Variants in CEP112 observed in about 807,000 individuals in gnomAD.
The protein encoded by CEP112 is centrosomal protein of 112 kDa.
CEP112 carries 127 observed loss-of-function variants against 153.0 expected under a neutral mutation model. The observed-to-expected ratio is 0.83, with a 90% CI of 0.72 to 0.96. The LOEUF (loss-of-function observed/expected upper bound fraction) is 0.96, where lower values mean the gene tolerates loss of function less well. Ranked by LOEUF, CEP112 falls within the 40% of genes least tolerant of loss-of-function variation. The pLI is 0.00. For synonymous variants in CEP112, 358 were observed against 374.4 expected (o/e 0.96, Z 0.51); for missense variants, 1,089 against 1,101.2 (o/e 0.99, Z 0.16).
chr17:65,818,195 C>T (rs2056367983), intron 21 of CEP112, among the ~76,000 whole-genome samples: 1 of 151,826 alleles, frequency 6.6e-6, no homozygotes, highest in African/African-American at 2.4e-5. Flanking sequence ...GAAGTAATTA[C>T]ACATTTTTCT....
intron 19 of CEP112, among the ~76,000 whole-genome samples, chr17:65,918,073 G>T: frequency 6.6e-6 from 1 of 151,696 alleles, no homozygotes; most frequent in East Asian, 1.9e-4. Context: ...CCAGCTACTT[G>T]GGAGGCTGAG....
chr17:66,105,107 TAAGA>T (rs1306209475), intron 6 of CEP112, among the ~76,000 whole-genome samples: 3 of 152,124 alleles, frequency 2.0e-5, no homozygotes, highest in Admixed American at 6.6e-5. Flanking sequence ...CATAGTGTAA[TAAGA>T]TAGAAACAAC....
intron 23 of CEP112, among the ~76,000 whole-genome samples, chr17:65,701,870 C>T (rs1261972306): frequency 6.6e-6 from 1 of 151,518 alleles, no homozygotes; most frequent in Non-Finnish European, 1.5e-5. Context: ...GTTAGTTGCC[C>T]ACATTCCTTC....
intron 24 of CEP112, chr17:65,644,411 A>G: frequency 1.9e-6 from 1 of 527,920 alleles, no homozygotes; most frequent in South Asian, 1.7e-5. Flanking sequence ...ATGAACTCGG[A>G]CCTCAAGGCT....
In CEP112 at chr17:65,991,372, G is replaced by A. The variant is rs1293990038; in HGVS notation, c.1736+14318C>T. On this transcript the variant is annotated intron_variant, in intron 17 of 26. Transcript: ENST00000535342. Reference sequence around the variant, plus strand: ...CATATATGAAAATCTGACATATTTTGGTTGAATGATACGTTATAAATTGCA... The same window carrying A: ...CATATATGAAAATCTGACATATTTTAGTTGAATGATACGTTATAAATTGCA... Among the ~76,000 whole-genome samples, 2 of 151,942 alleles carry A rather than the reference G, an allele frequency of 1.3e-5. 1 individual carries two copies. Among genetic ancestry groups the A allele is most frequent in the Non-Finnish European group, 2.9e-5 (2 of 67,966 alleles).
In CEP112 at chr17:65,689,255, AG is replaced by A. The variant is rs764401289; in HGVS notation, c.2608-38del. 8 of 1,455,514 alleles carry A rather than the reference AG, an allele frequency of 5.5e-6. No homozygotes were observed. In the South Asian group the frequency reaches 9.1e-5, roughly 17 times the overall value. The allele number at this position is 1,455,514 out of a possible 1,614,324, so 90.2% of individuals were successfully genotyped here. ...TAAAATAAAGATATCATTAATAATT[AG>A]CACACTTGGAAAAATAGTTCTACAC... On this transcript the variant is annotated intron_variant, in intron 23 of 26. Coordinates refer to ENST00000535342, the MANE Select transcript of CEP112 (RefSeq NM_001199165.4).
intron 17 of CEP112, among the ~76,000 whole-genome samples, chr17:65,986,948 A>C (rs1327002099): frequency 6.6e-6 from 1 of 152,204 alleles, no homozygotes; most frequent in Non-Finnish European, 1.5e-5. Flanking sequence ...AGAGCTCAAC[A>C]AGTGTTTGTT....
intron 23 of CEP112, among the ~76,000 whole-genome samples, chr17:65,710,261 T>C (rs1447968786): frequency 6.6e-6 from 1 of 152,250 alleles, no homozygotes; most frequent in Non-Finnish European, 1.5e-5. Flanking sequence ...TGTCTTTAGC[T>C]GCTATGAAGC....
At chr17:65,927,820 T>C in intron 18 of CEP112, 131 bp from the exon 19 acceptor site, 1 of 454,142 alleles carries the variant, frequency 2.2e-6, no homozygotes, top group South Asian at 5.3e-5. Context: ...TTTAAATGTA[T>C]TAAAATAATG....
At chr17:65,803,580 G>A (rs1449598913) in intron 21 of CEP112, among the ~76,000 whole-genome samples, 1 of 152,156 alleles carries the variant, frequency 6.6e-6, no homozygotes. Flanking sequence ...TACCTTAGGT[G>A]TTACATTATT....
chr17:65,887,964 C>A (rs1314338985), intron 20 of CEP112, among the ~76,000 whole-genome samples: 1 of 152,034 alleles, frequency 6.6e-6, no homozygotes, highest in Non-Finnish European at 1.5e-5. Flanking sequence ...GTCTTTCTAC[C>A]CCCTTGTTTG....
chr17:65,830,521 G>A (rs1232428131), intron 21 of CEP112, among the ~76,000 whole-genome samples: 5 of 152,172 alleles, frequency 3.3e-5, no homozygotes, highest in Non-Finnish European at 7.3e-5. Context: ...GGGGTGAACT[G>A]GGGACAAACA....
chr17:65,876,580 C>T (rs1329051875), intron 20 of CEP112, among the ~76,000 whole-genome samples: 4 of 152,088 alleles, frequency 2.6e-5, no homozygotes, highest in African/African-American at 7.2e-5. Flanking sequence ...ACTTATTAAC[C>T]TTTTCAACCT....
At chr17:65,897,818 G>A (rs1445383974) in intron 20 of CEP112, among the ~76,000 whole-genome samples, 1 of 151,860 alleles carries the variant, frequency 6.6e-6, no homozygotes, top group Non-Finnish European at 1.5e-5. Flanking sequence ...TATTTCCAAT[G>A]TTTTAACATA....
intron 24 of CEP112, among the ~76,000 whole-genome samples, chr17:65,642,759 T>C (rs527384421): frequency 6.6e-6 from 1 of 152,322 alleles, no homozygotes; most frequent in Non-Finnish European, 1.5e-5. Flanking sequence ...GCAAAACGCA[T>C]GCTTTATAAA....
At chr17:66,152,982 T>C (rs184691932) in intron 4 of CEP112, among the ~76,000 whole-genome samples, 3 of 152,226 alleles carry the variant, frequency 2.0e-5, no homozygotes, top group East Asian at 3.9e-4. Flanking sequence ...CACAATGAGA[T>C]ACCACTGCAT....
chr17:65,821,111 C>A (rs2056509475), intron 21 of CEP112, among the ~76,000 whole-genome samples: 1 of 12,356 alleles, frequency 8.1e-5, no homozygotes, highest in African/African-American at 2.8e-4. Flanking sequence ...GTAATACATT[C>A]TGAAAAAAAA....
intron 21 of CEP112, among the ~76,000 whole-genome samples, chr17:65,756,202 G>A (rs753008324): frequency 1.3e-5 from 2 of 151,960 alleles, no homozygotes; most frequent in Non-Finnish European, 2.9e-5. Flanking sequence ...TCAGGAGTTC[G>A]AGACCAGCCT....
rs866300844 is a variant in CEP112 at position 66,164,920 on chromosome 17, G to A, written c.470+10124C>T. 1.7e-3 allele frequency among the ~76,000 whole-genome samples: 215 copies of A among 130,008 alleles called. 1 individual carries two copies. Among genetic ancestry groups the A allele is most frequent in the African/African-American group, 5.5e-3 (177 of 31,936 alleles). The allele number at this position is 130,008 out of a possible 152,430, so 85.3% of individuals were successfully genotyped here. ...TGTGTGTGTGTGTGTGTGTGTGTGT[G>A]TATATTTATTTATAAACAGTTTCTT... On this transcript the variant is annotated intron_variant, in intron 4 of 26. Coordinates refer to ENST00000535342, the MANE Select transcript of CEP112 (RefSeq NM_001199165.4).
Sources: allele counts gnomAD v4.1 joint callset (sites outside exome capture counted in the v4.1 genomes callset), GRCh38; gene constraint gnomAD v4.1.1; transcripts MANE v1.5; gene names NCBI Gene and HGNC (gene_info 2026-07-23, HGNC 2026-07-21).